Variants in CD8B observed in about 807,000 individuals in gnomAD.
CD8B encodes the protein T-cell surface glycoprotein CD8 beta chain.
Under a neutral mutation model 24.2 loss-of-function variants are expected in CD8B, and 6 were observed. The observed-to-expected ratio is 0.25, with a 90% CI of 0.14 to 0.49. The LOEUF (loss-of-function observed/expected upper bound fraction) is 0.49, where lower values mean the gene tolerates loss of function less well. Ranked by LOEUF, CD8B falls within the 20% of genes least tolerant of loss-of-function variation. The pLI, the probability that CD8B is intolerant of heterozygous loss-of-function variation, is 0.98. For synonymous variants in CD8B, 84 were observed against 108.3 expected (o/e 0.78, Z 1.39); for missense variants, 196 against 271.3 (o/e 0.72, Z 1.95).
At chr2:86,843,464 G>A (rs4971893) in intron 5 of CD8B, 619,944 of 937,310 alleles carry the variant, frequency 0.66, 205,629 homozygotes, top group East Asian at 0.81. Context: ...TTGGGTAGGG[G>A]GCAGCTTCTA....
intron 2 of CD8B, among the ~76,000 whole-genome samples, chr2:86,853,867 G>A (rs1292621361): frequency 6.6e-6 from 1 of 151,630 alleles, no homozygotes; most frequent in Non-Finnish European, 1.5e-5. Flanking sequence ...CACTGCATTC[G>A]TCGTGCCACT....
chr2:86,849,653 G>A (rs374700830), intron 3 of CD8B, among the ~76,000 whole-genome samples: 8 of 151,766 alleles, frequency 5.3e-5, no homozygotes, highest in South Asian at 4.2e-4. Context: ...GAATTTGTAT[G>A]CTTAAAATGG....
chr2:86,849,703 G>GTT lies in CD8B; in HGVS notation c.494-2932_494-2931dup, dbSNP rs551385750. Among the ~76,000 whole-genome samples the GTT allele has an allele frequency of 2.6e-3, 328 of 127,394 alleles. 6 individuals carry two copies. Among genetic ancestry groups the GTT allele is most frequent in the Middle Eastern group, 9.6e-3 (2 of 208 alleles). 83.6% of individuals were successfully genotyped at this position (127,394 alleles called of 152,430 possible). A position where few individuals can be genotyped will look rare whatever the true frequency, so the allele number is the denominator to read the frequency against. On this transcript the variant is annotated intron_variant, in intron 3 of 5. Coordinates refer to ENST00000390655, the MANE Select transcript of CD8B (RefSeq NM_004931.5). ...ATGCAAATTATATCTCAACTAAGGTGTTTTTTTTTTTTTTTTTTGAGACAG... is the reference window on the plus strand; with the variant it reads ...ATGCAAATTATATCTCAACTAAGGTGTTTTTTTTTTTTTTTTTTTTGAGACAG...
chr2:86,835,956 G>A (rs1279039965), downstream of CD8B, among the ~76,000 whole-genome samples: 21 of 152,052 alleles, frequency 1.4e-4, no homozygotes, highest in Non-Finnish European at 2.2e-4. Flanking sequence ...ATGAAAGCCC[G>A]TGGGGTTAGG....
intron 3 of CD8B, among the ~76,000 whole-genome samples, chr2:86,851,886 A>G (rs1318878339): frequency 6.6e-6 from 1 of 152,258 alleles, no homozygotes; most frequent in Non-Finnish European, 1.5e-5. Context: ...TGTAGCATAG[A>G]GAAGCAAATG....
rs564736096 is a variant in CD8B at position 86,857,105 on chromosome 2, G to A, written c.403+952C>T. On this transcript the variant is annotated intron_variant, in intron 2 of 5. Transcript: ENST00000390655. ...TCATGGAGGCCATCAGCACCCCCGT[G>A]TGACACAGAAGAGAACACTGAGGCC... Among the ~76,000 whole-genome samples the A allele has an allele frequency of 2.8e-3, 429 of 152,074 alleles. 1 individual carries two copies. The highest frequency in any genetic ancestry group is 9.5e-3 in the African/African-American group (395 of 41,502).
At chr2:86,815,761 G>T in intron 5 of CD8B, 2 of 1,036,700 alleles carry the variant, frequency 1.9e-6, no homozygotes, top group Non-Finnish European at 3.1e-6. Flanking sequence ...CATGCACCAA[G>T]TCAAGGTGTT....
At chr2:86,852,919 G>A (rs1170958429) in intron 3 of CD8B, 78 bp downstream of exon 3, 7 of 1,366,120 alleles carry the variant, frequency 5.1e-6, no homozygotes, top group African/African-American at 1.5e-5. Context: ...AAGTGCCTGG[G>A]GAAGGAAGGA....
chr2:86,819,476 T>A (rs1674380742), intron 5 of CD8B, among the ~76,000 whole-genome samples: 1 of 152,200 alleles, frequency 6.6e-6, no homozygotes, highest in Non-Finnish European at 1.5e-5. Context: ...CCTAAGTCCC[T>A]TAAGAATTAT....
intron 5 of CD8B, 179 bp downstream of exon 5, chr2:86,844,743 A>G: frequency 6.5e-7 from 1 of 1,533,164 alleles, no homozygotes; most frequent in Non-Finnish European, 8.8e-7. Context: ...CCTGGGCTCA[A>G]GTGATCCTCC....
intron 1 of CD8B, among the ~76,000 whole-genome samples, chr2:86,861,089 C>T (rs1676560898): frequency 2.0e-5 from 3 of 152,180 alleles, no homozygotes; most frequent in Admixed American, 2.0e-4. Context: ...GCGGGCAGGC[C>T]TTGTCACCCC....
downstream of CD8B, among the ~76,000 whole-genome samples, chr2:86,834,444 C>T (rs1421042513): frequency 6.7e-6 from 1 of 149,112 alleles, no homozygotes; most frequent in African/African-American, 2.5e-5. Flanking sequence ...GAAATGAGAA[C>T]GTGTGAATCA....
intron 5 of CD8B, among the ~76,000 whole-genome samples, chr2:86,829,920 G>GA (rs1674842447): frequency 6.6e-6 from 1 of 152,124 alleles, no homozygotes; most frequent in Non-Finnish European, 1.5e-5. Flanking sequence ...TCTAACGTTT[G>GA]ATAATCTGCT....
rs879186700 is a variant in CD8B, at chr2:86,857,973, A to C, written c.403+84T>G. ...ATTAGTCACGGCTGCAGAGTGGGGC[A>C]CACTGAAGCCTGGTGGTCCCAGTGC... On this transcript the variant is annotated intron_variant, in intron 2 of 5. Transcript: ENST00000390655. The C allele has an allele frequency of 5.0e-6, 7 of 1,401,508 alleles. No homozygotes were observed. The South Asian group carries it at 8.9e-5, about 18-fold the overall frequency. The allele number at this position is 1,401,508 out of a possible 1,614,324, so 86.8% of individuals were successfully genotyped here. A position where few individuals can be genotyped will look rare whatever the true frequency, so the allele number is the denominator to read the frequency against.
At chr2:86,832,600 T>G (rs949135371) in intron 5 of CD8B, among the ~76,000 whole-genome samples, 1 of 152,108 alleles carries the variant, frequency 6.6e-6, no homozygotes, top group African/African-American at 2.4e-5. Context: ...CACTTCAGGT[T>G]GTGAGCCACT....
chr2:86,823,452 T>A (rs1031978809), intron 5 of CD8B, among the ~76,000 whole-genome samples: 37 of 152,126 alleles, frequency 2.4e-4, no homozygotes, highest in African/African-American at 8.7e-4. Context: ...GCTAATTTTT[T>A]AATTTTTTGT....
chr2:86,846,927 ATTTTTTTTTT>A (rs60980294), intron 3 of CD8B, among the ~76,000 whole-genome samples, 154 bp from the exon 4 acceptor site: 1 of 58,858 alleles, frequency 1.7e-5, no homozygotes, highest in Non-Finnish European at 3.2e-5. Flanking sequence ...TTCCTCAAGT[ATTTTTTTTTT>A]TTTTTTTTTT....
At position 86,840,488 on chromosome 2, in the gene CD8B, C is replaced by T. The variant is rs1573508493; in HGVS notation, c.*1819G>A. Among the ~76,000 whole-genome samples, 1 of 152,188 alleles carries T rather than the reference C, an allele frequency of 6.6e-6. No homozygotes were observed. Among genetic ancestry groups the T allele is most frequent in the African/African-American group, 2.4e-5 (1 of 41,450 alleles). ...ACCAAGCACGGGCCATCCCTTCATC[C>T]GCATAGGGCGTCAATTCACCTCAGC... On this transcript the variant is annotated 3_prime_UTR_variant, in exon 6 of 6. Coordinates refer to ENST00000390655, the MANE Select transcript of CD8B (RefSeq NM_004931.5).
chr2:86,857,645 G>A (rs111766219), intron 2 of CD8B, among the ~76,000 whole-genome samples: 1 of 152,096 alleles, frequency 6.6e-6, no homozygotes, highest in African/African-American at 2.4e-5. Flanking sequence ...ACTTGAACCC[G>A]GGAAGCAGAG....
Sources: allele counts gnomAD v4.1 joint callset (sites outside exome capture counted in the v4.1 genomes callset), GRCh38; gene constraint gnomAD v4.1.1; transcripts MANE v1.5; gene names NCBI Gene and HGNC (gene_info 2026-07-23, HGNC 2026-07-21).